Variants in TBC1D15 observed in about 807,000 individuals in gnomAD.
TBC1D15 encodes the protein GAP for RAB7.
TBC1D15 carries 39 observed loss-of-function variants against 95.4 expected under a neutral mutation model. That is an observed-to-expected ratio of 0.41 (90% CI 0.32 to 0.53). The LOEUF is 0.53. Ranked by LOEUF, TBC1D15 falls within the 20% of genes least tolerant of loss-of-function variation. The pLI, the probability that TBC1D15 is intolerant of heterozygous loss-of-function variation, is 0.29. For missense variants in TBC1D15, 733 were observed against 794.3 expected, an observed-to-expected ratio of 0.92 and a Z score of 0.93; for synonymous variants, 258 against 261.3, an observed-to-expected ratio of 0.99 and a Z score of 0.12.
intron 3 of TBC1D15, among the ~76,000 whole-genome samples, chr12:71,878,902 T>A (rs1055067490): frequency 5.3e-5 from 8 of 152,190 alleles, no homozygotes; most frequent in African/African-American, 1.7e-4. Flanking sequence ...ATCTATTTGA[T>A]AATTTCATTT....
intron 3 of TBC1D15, among the ~76,000 whole-genome samples, chr12:71,877,155 G>GTTAA (rs1283300920): frequency 6.7e-6 from 1 of 148,848 alleles, no homozygotes; most frequent in African/African-American, 2.5e-5. Flanking sequence ...CTTTATTGAT[G>GTTAA]TTAAGTCTAA....
rs549234137 is a variant in TBC1D15 at position 71,896,508 on chromosome 12, A to G, written c.985-169A>G. ...TTTAAACTTTCTGGCAGCTGCTTAC[A>G]TCTTTTGGATCTAGAAGTAAAAAAC... On this transcript the variant is annotated intron_variant, in intron 8 of 16. Coordinates refer to ENST00000485960, the MANE Select transcript of TBC1D15 (RefSeq NM_001146213.3). 24 of 618,078 alleles carry G rather than the reference A, an allele frequency of 3.9e-5. No individual in the cohort carries two copies. The African/African-American group carries it at 4.3e-4, about 11-fold the overall frequency. 38.3% of individuals were successfully genotyped at this position (618,078 alleles called of 1,614,324 possible).
intron 1 of TBC1D15, among the ~76,000 whole-genome samples, chr12:71,846,755 C>CTT (rs10651326): frequency 0.016 from 1,753 of 111,148 alleles, 64 homozygotes; most frequent in Admixed American, 0.047. Flanking sequence ...TTTTATACAG[C>CTT]TTTTTTTTTT....
At chr12:71,861,477 TGGAGTATGGTA>T in intron 1 of TBC1D15, 11 of 1,538,278 alleles carry the variant, frequency 7.2e-6, no homozygotes, top group South Asian at 1.2e-5. Context: ...TCCAGTTTGT[TGGAGTATGGTA>T]GGAGTATGGT....
chr12:71,854,982 T>C (rs995914687), intron 1 of TBC1D15: 2 of 383,172 alleles, frequency 5.2e-6, no homozygotes, highest in Admixed American at 3.4e-5. Flanking sequence ...ATCACACTGC[T>C]ATAAAGAAAT....
intron 1 of TBC1D15, among the ~76,000 whole-genome samples, chr12:71,859,342 A>G (rs1392417993): frequency 6.6e-6 from 1 of 152,062 alleles, no homozygotes; most frequent in Non-Finnish European, 1.5e-5. Flanking sequence ...TCTTCTGGAT[A>G]TTAAACCCTT....
At chr12:71,913,026 ATTTT>A (rs1186597313) in intron 11 of TBC1D15, among the ~76,000 whole-genome samples, 2 of 152,048 alleles carry the variant, frequency 1.3e-5, no homozygotes, top group Non-Finnish European at 2.9e-5. Flanking sequence ...ACTTTTTCTT[ATTTT>A]TAAGTGAGGG....
At chr12:71,863,793 G>C (rs1390248690) in intron 1 of TBC1D15, among the ~76,000 whole-genome samples, 6 of 151,894 alleles carry the variant, frequency 4.0e-5, no homozygotes, top group Admixed American at 2.0e-4. Context: ...TTGCTGATCA[G>C]GTCTGCTGTT....
chr12:71,920,823 T>G lies in TBC1D15; in HGVS notation c.1692T>G (p.His564Gln), dbSNP rs1345298630. The G allele has an allele frequency of 6.2e-7, 1 of 1,611,340 alleles. No homozygotes were observed. Among genetic ancestry groups the G allele is most frequent in the African/African-American group, 1.3e-5 (1 of 74,972 alleles). ...ESEKQQIMEK[H>Q]YGFNEILKHI... ...AAAAGCAGCAAATAATGGAAAAGCA[T>G]TATGGCTTCAATGAAATACTTAAGG... The change falls in exon 15 of 17, where the codon CAT (histidine) becomes CAG (glutamine). Residue 564 changes from histidine (H) to glutamine (Q), a missense_variant. Transcript: ENST00000485960.
chr12:71,861,650 A>G (rs761167543), intron 1 of TBC1D15, among the ~76,000 whole-genome samples: 1 of 151,690 alleles, frequency 6.6e-6, no homozygotes, highest in African/African-American at 2.4e-5. Context: ...TAATAAGTCA[A>G]CTTTGTTCTG....
chr12:71,880,943 A>G (rs1895008191), intron 4 of TBC1D15, among the ~76,000 whole-genome samples: 4 of 152,224 alleles, frequency 2.6e-5, no homozygotes, highest in Admixed American at 2.6e-4. Context: ...AAAGTAACAG[A>G]GGGAGATGGA....
chr12:71,853,082 A>T (rs1393957532), intron 1 of TBC1D15, among the ~76,000 whole-genome samples: 1 of 152,232 alleles, frequency 6.6e-6, no homozygotes, highest in Non-Finnish European at 1.5e-5. Flanking sequence ...TAATTGGCTC[A>T]CAGTTCTTCA....
intron 16 of TBC1D15, among the ~76,000 whole-genome samples, chr12:71,922,048 G>A (rs1869565778): frequency 6.6e-6 from 1 of 152,076 alleles, no homozygotes; most frequent in Non-Finnish European, 1.5e-5. Flanking sequence ...TGAGTAGCTG[G>A]GATTACCAGT....
intron 1 of TBC1D15, among the ~76,000 whole-genome samples, chr12:71,871,001 A>C (rs1892554901): frequency 6.6e-6 from 1 of 152,198 alleles, no homozygotes; most frequent in South Asian, 2.1e-4. Context: ...ACTATTGACC[A>C]GACTTATATA....
chr12:71,872,701 G>A (rs1256397737), intron 2 of TBC1D15, among the ~76,000 whole-genome samples: 1 of 151,986 alleles, frequency 6.6e-6, no homozygotes, highest in African/African-American at 2.4e-5. Flanking sequence ...AAAATGACAT[G>A]GAATATTCTA....
intron 1 of TBC1D15, among the ~76,000 whole-genome samples, chr12:71,871,139 T>A (rs962085857): frequency 1.3e-5 from 2 of 152,204 alleles, no homozygotes; most frequent in Admixed American, 1.3e-4. Flanking sequence ...CTATGAAAAA[T>A]GAGGCTTAAC....
chr12:71,894,697 G>A lies in TBC1D15; in HGVS notation c.669G>A (p.Lys223=). 6.2e-7 allele frequency: 1 copy of A among 1,609,710 alleles called. No individual in the cohort carries two copies. The highest frequency in any genetic ancestry group is 1.1e-5 in the South Asian group (1 of 89,966). ...PAYGLIQKIK[K]DPYTATMIGF... ...TTCCTACTGCATAGAAAATTAAAAA[G>A]GACCCTTATACGGCAACTATGATAG... is the stretch of plus-strand genomic sequence containing the variant. The change falls in exon 7 of 17, where the codon AAG becomes AAA. Residue 223 remains lysine, a synonymous_variant. Transcript: ENST00000485960.
intron 11 of TBC1D15, among the ~76,000 whole-genome samples, chr12:71,913,076 C>T (rs994215055): frequency 2.0e-5 from 3 of 151,956 alleles, no homozygotes; most frequent in African/African-American, 7.2e-5. Context: ...TTCTTTTAAT[C>T]AAGGGCTCTA....
At chr12:71,908,272 C>A (rs1343646701) in intron 11 of TBC1D15, among the ~76,000 whole-genome samples, 2 of 152,092 alleles carry the variant, frequency 1.3e-5, no homozygotes, top group South Asian at 2.1e-4. Flanking sequence ...TTTTAAGGGG[C>A]AAGAGAACTT....
Sources: gnomAD v4.1 joint callset for allele counts (sites outside exome capture counted in the v4.1 genomes callset) on GRCh38, gnomAD v4.1.1 for gene constraint, MANE v1.5 for transcripts, NCBI Gene and HGNC (gene_info 2026-07-23, HGNC 2026-07-21) for gene names.